Variants in PPP2R5C observed in about 807,000 individuals in gnomAD.
The protein encoded by PPP2R5C is serine/threonine-protein phosphatase 2A 56 kDa regulatory subunit gamma isoform.
PPP2R5C carries 7 observed loss-of-function variants against 68.9 expected under a neutral mutation model. The observed-to-expected ratio is 0.10, with a 90% CI of 0.06 to 0.19. PPP2R5C has a LOEUF of 0.19. Ranked by LOEUF, PPP2R5C falls within the 10% of genes least tolerant of loss-of-function variation. PPP2R5C has a pLI of 1.00. For synonymous variants in PPP2R5C, 210 were observed against 222.2 expected (o/e 0.95, Z 0.49); for missense variants, 348 against 641.3 (o/e 0.54, Z 4.94).
rs1459324919 is a variant in PPP2R5C at position 101,836,566 on chromosome 14, A to G, written c.95-20120A>G. 5.4e-6 allele frequency: 3 copies of G among 555,690 alleles called. No homozygotes were observed. The African/African-American group carries it at 5.6e-5, about 10-fold the overall frequency. 34.4% of individuals were successfully genotyped at this position (555,690 alleles called of 1,614,324 possible). A position where few individuals can be genotyped will look rare whatever the true frequency, so the allele number is the denominator to read the frequency against. Reference sequence around the variant, plus strand: ...AAATTTCTTTAAATATAATATCTCTACTTTAAATGCCTGGGGTGTTGCATG... The same window carrying G: ...AAATTTCTTTAAATATAATATCTCTGCTTTAAATGCCTGGGGTGTTGCATG... On this transcript the variant is annotated intron_variant, in intron 1 of 13. Transcript: ENST00000334743.
chr14:101,832,524 G>A (rs2040809758), intron 1 of PPP2R5C, among the ~76,000 whole-genome samples: 1 of 152,206 alleles, frequency 6.6e-6, no homozygotes, highest in Non-Finnish European at 1.5e-5. Context: ...ATGCAGGACT[G>A]AAGTACGGGA....
At chr14:101,842,333 C>T in intron 1 of PPP2R5C, among the ~76,000 whole-genome samples, 1 of 152,198 alleles carries the variant, frequency 6.6e-6, no homozygotes, top group Non-Finnish European at 1.5e-5. Flanking sequence ...CAGCCTGCCC[C>T]CTCAAGTCCC....
At chr14:101,857,577 C>G (rs2042497565) in intron 2 of PPP2R5C, among the ~76,000 whole-genome samples, 1 of 152,224 alleles carries the variant, frequency 6.6e-6, no homozygotes, top group Non-Finnish European at 1.5e-5. Context: ...TGGTTTTATT[C>G]AGCCCCCAGA....
chr14:101,789,637 T>A (rs1445998148), intron 3 of PPP2R5C: 2 of 152,260 alleles, frequency 1.3e-5, no homozygotes, highest in East Asian at 3.8e-4. Context: ...AGCTGGTCTG[T>A]AGTTTTGTTC....
At position 101,836,285 on chromosome 14, in the gene PPP2R5C, C is replaced by T. The variant is rs563405017; in HGVS notation, c.95-20401C>T. On this transcript the variant is annotated intron_variant, in intron 1 of 13. Transcript: ENST00000334743. ...GCAAACCCATGGAGAACCCCGCGGC[C>T]CCCAAAGCATGGACGGAGCTGCCAG... The T allele has an allele frequency of 1.0e-4, 71 of 702,788 alleles. No homozygotes were observed. In the African/African-American group the frequency reaches 1.2e-3, roughly 12 times the overall value. 43.5% of individuals were successfully genotyped at this position (702,788 alleles called of 1,614,324 possible).
chr14:101,792,611 T>C (rs528667208), intron 3 of PPP2R5C, among the ~76,000 whole-genome samples: 7 of 152,348 alleles, frequency 4.6e-5, no homozygotes, highest in African/African-American at 1.7e-4. Context: ...TTTTTCTAGC[T>C]TTCTCTTTGT....
chr14:101,923,803 G>C (rs2047140473), intron 13 of PPP2R5C, among the ~76,000 whole-genome samples: 1 of 148,246 alleles, frequency 6.7e-6, no homozygotes, highest in African/African-American at 2.6e-5. Flanking sequence ...GCAAAAATTT[G>C]AACTTTACAT....
In PPP2R5C at chr14:101,835,223, T is replaced by C. The variant is rs1408454210; in HGVS notation, c.95-21463T>C. On this transcript the variant is annotated intron_variant, in intron 1 of 13. Coordinates refer to ENST00000334743, the Ensembl canonical transcript of PPP2R5C. This position sits in a 1 kb window ranked among gnomAD's most constrained non-coding sequence, Gnocchi z 5.0. ...GGGGCCATCCAAGGAAGCAAAGATG[T>C]GGTGCTGTCCTGTGGCTGGGGGAGC... Among the ~76,000 whole-genome samples the C allele has an allele frequency of 6.6e-6, 1 of 152,000 alleles. No individual in the cohort carries two copies. Among genetic ancestry groups the C allele is most frequent in the African/African-American group, 2.4e-5 (1 of 41,366 alleles).
chr14:101,886,444 A>T (rs2044520097), intron 5 of PPP2R5C, among the ~76,000 whole-genome samples: 1 of 151,772 alleles, frequency 6.6e-6, no homozygotes, highest in African/African-American at 2.4e-5. Context: ...CATGCTTTTG[A>T]TAGTCTTTTC....
chr14:101,882,150 G>A lies in PPP2R5C; in HGVS notation c.295-11G>A. The A allele has an allele frequency of 1.3e-6, 2 of 1,564,592 alleles. No homozygotes were observed. The highest frequency in any genetic ancestry group is 1.7e-6 in the Non-Finnish European group (2 of 1,146,932). ...TGCCCTGATTGTAATTATAGAATAT[G>A]TGGATTTTAGTTTGCAGTTAACATG... On this transcript the variant is annotated splice_polypyrimidine_tract_variant and intron_variant, in intron 2 of 13. Transcript: ENST00000334743. This position sits in a 1 kb window ranked among gnomAD's most constrained non-coding sequence, Gnocchi z 4.9.
intron 10 of PPP2R5C, among the ~76,000 whole-genome samples, chr14:101,907,558 T>C (rs898583757): frequency 3.9e-5 from 6 of 152,178 alleles, no homozygotes; most frequent in Non-Finnish European, 7.4e-5. Context: ...TTCATCTCTT[T>C]CCATTGTATA....
intron 1 of PPP2R5C, among the ~76,000 whole-genome samples, chr14:101,845,991 G>T (rs989046996): frequency 6.6e-6 from 1 of 152,142 alleles, no homozygotes; most frequent in Non-Finnish European, 1.5e-5. Context: ...CATTTTGCCC[G>T]AAATCCACCC....
intron 1 of PPP2R5C, among the ~76,000 whole-genome samples, chr14:101,840,482 CA>C (rs10611025): frequency 0.16 from 8,030 of 51,412 alleles, 218 homozygotes; most frequent in Non-Finnish European, 0.19. Flanking sequence ...CCCCCACCAC[CA>C]AAAAAAAAAA....
Position 101,810,033 on chromosome 14 carries a change from C to T in PPP2R5C, c.91C>T (p.Arg31Ter). The T allele has an allele frequency of 6.2e-7, 1 of 1,613,306 alleles. No homozygotes were observed. The highest frequency in any genetic ancestry group is 8.5e-7 in the Non-Finnish European group (1 of 1,179,428). ...CCAGCCCGTGGTCCTTCTCCATATTCGAGGTAAGTTATTGTGTGTTTCACT... is the reference window on the plus strand; with the variant it reads ...CCAGCCCGTGGTCCTTCTCCATATTTGAGGTAAGTTATTGTGTGTTTCACT... Residue 31 changes from arginine to a stop codon, truncating the protein, a stop_gained, in exon 1 of 14, where the codon CGA becomes TGA. Transcript: ENST00000334743. LOFTEE classifies it high-confidence loss of function.
intron 2 of PPP2R5C, among the ~76,000 whole-genome samples, chr14:101,881,380 G>T (rs1037269616): frequency 6.6e-6 from 1 of 152,152 alleles, no homozygotes; most frequent in Non-Finnish European, 1.5e-5. Flanking sequence ...AACCTGGGCC[G>T]CAGAGGGAGA....
chr14:101,837,830 C>G (rs942436108), intron 1 of PPP2R5C, among the ~76,000 whole-genome samples: 1 of 152,196 alleles, frequency 6.6e-6, no homozygotes, highest in Non-Finnish European at 1.5e-5. Flanking sequence ...AGTCCCTGTT[C>G]GAAGGAGGTG....
At chr14:101,789,848 G>A (rs2038280551) in intron 3 of PPP2R5C, 1 of 151,752 alleles carries the variant, frequency 6.6e-6, no homozygotes, top group Admixed American at 6.6e-5. Context: ...AGTTTGACTT[G>A]GAACTCAGTG....
At chr14:101,793,004 A>G (rs903964345) in intron 3 of PPP2R5C, among the ~76,000 whole-genome samples, 1 of 151,790 alleles carries the variant, frequency 6.6e-6, no homozygotes, top group Non-Finnish European at 1.5e-5. Context: ...CAGCCTCCCA[A>G]GTAGCTAGGA....
At chr14:101,854,236 G>A (rs997294894) in intron 1 of PPP2R5C, among the ~76,000 whole-genome samples, 1 of 152,124 alleles carries the variant, frequency 6.6e-6, no homozygotes, top group African/African-American at 2.4e-5. Flanking sequence ...CCATGGCCTT[G>A]CGTGTGTGCT....
Sources: gnomAD v4.1 joint callset for allele counts (sites outside exome capture counted in the v4.1 genomes callset) on GRCh38, gnomAD v4.1.1 for gene constraint, Gnocchi (gnomAD v3.1) non-coding constraint, MANE v1.5 for transcripts, NCBI Gene and HGNC (gene_info 2026-07-23, HGNC 2026-07-21) for gene names.